CCDC92: variants seen among roughly 807,000 people sequenced by gnomAD.
CCDC92 encodes the protein coiled-coil domain containing 92.
A neutral mutation model predicts 24.9 loss-of-function variants in CCDC92; 12 were observed. The ratio of observed to expected loss-of-function variants is 0.48; its 90% CI spans 0.31 to 0.78. The LOEUF is 0.78. Ranked by LOEUF, CCDC92 falls within the 30% of genes least tolerant of loss-of-function variation. The pLI, the probability that CCDC92 is intolerant of heterozygous loss-of-function variation, is 0.05. For missense variants in CCDC92, 399 were observed against 439.4 expected (o/e 0.91, Z 0.82); for synonymous variants, 193 against 196.3 (o/e 0.98, Z 0.14).
At chr12:123,949,813 T>A (rs932408688) in intron 1 of CCDC92, among the ~76,000 whole-genome samples, 1 of 152,264 alleles carries the variant, frequency 6.6e-6, no homozygotes, top group African/African-American at 2.4e-5. Flanking sequence ...CTGCCGTCAT[T>A]TCCTAGTGTC....
At chr12:123,941,162 A>G (rs1955672092) in intron 4 of CCDC92, among the ~76,000 whole-genome samples, 1 of 152,218 alleles carries the variant, frequency 6.6e-6, no homozygotes, top group African/African-American at 2.4e-5. Flanking sequence ...TGACACGGGT[A>G]GCTCCTTTCC....
At chr12:123,951,513 T>C (rs766098136) in intron 1 of CCDC92, among the ~76,000 whole-genome samples, 33 of 152,232 alleles carry the variant, frequency 2.2e-4, no homozygotes, top group Admixed American at 7.2e-4. Context: ...TAGCTGTGAA[T>C]GAGTTATAAC....
At position 123,942,739 on chromosome 12, in the gene CCDC92, C is replaced by T. The variant is rs1389225115; in HGVS notation, c.223+5G>A. The T allele has an allele frequency of 6.2e-7, 1 of 1,607,812 alleles. No homozygotes were observed. Among genetic ancestry groups the T allele is most frequent in the Admixed American group, 1.7e-5 (1 of 60,026 alleles). ...TGTCATTTACTTCTGGGGAGGAGTT[C>T]TTACCTGTCTGTTCCGAACTTTTGA... is the stretch of plus-strand genomic sequence containing the variant. On this transcript the variant is annotated splice_donor_5th_base_variant and intron_variant, in intron 4 of 4. Coordinates refer to ENST00000238156, the MANE Select transcript of CCDC92 (RefSeq NM_025140.3).
chr12:123,972,792 C>T lies in CCDC92; in HGVS notation c.-323G>A, dbSNP rs1292079914. 2.1e-5 allele frequency: 3 copies of T among 146,104 alleles called. No homozygotes were observed. Among genetic ancestry groups the T allele is most frequent in the East Asian group, 4.0e-4 (2 of 5,024 alleles). The allele number at this position is 146,104 out of a possible 1,614,324, so 9.1% of individuals were successfully genotyped here. The stretch of plus-strand genomic sequence containing the variant: ...GGCGGCGAGGCCTGGCCGCGCTGAC[C>T]CGGCGGGCTAGGCGCCGGCGCGGCG... On this transcript the variant is annotated 5_prime_UTR_variant, in exon 1 of 5. Coordinates refer to ENST00000238156, the MANE Select transcript of CCDC92 (RefSeq NM_025140.3).
intron 1 of CCDC92, 166 bp from the exon 2 acceptor site, chr12:123,944,530 CG>C: frequency 2.1e-6 from 1 of 480,698 alleles, no homozygotes; most frequent in East Asian, 3.6e-5. Context: ...ACAGTGGAAC[CG>C]TTTTGGAGAC....
intron 1 of CCDC92, among the ~76,000 whole-genome samples, chr12:123,963,953 A>G (rs1386766424): frequency 6.6e-6 from 1 of 152,248 alleles, no homozygotes; most frequent in Non-Finnish European, 1.5e-5. Flanking sequence ...AATCATGTCA[A>G]AACTCCTAAT....
At chr12:123,955,606 T>C (rs1956131779) in intron 1 of CCDC92, among the ~76,000 whole-genome samples, 1 of 152,106 alleles carries the variant, frequency 6.6e-6, no homozygotes, top group Admixed American at 6.6e-5. Context: ...ATAGTACAGG[T>C]TTTAAGGAAA....
Position 123,942,786 on chromosome 12 carries a change from C to T in CCDC92, c.182-1G>A. 6.2e-7 allele frequency: 1 copy of T among 1,606,870 alleles called. No individual in the cohort carries two copies. The highest frequency in any genetic ancestry group is 8.5e-7 in the Non-Finnish European group (1 of 1,173,350). ...TTGACTGTCAGCTCATATGTTAAAT[C>T]TAAAAGGGAAATGTTACACATTAAT... On this transcript the variant is annotated splice_acceptor_variant, in intron 3 of 4. Transcript: ENST00000238156. LOFTEE classifies it high-confidence loss of function.
chr12:123,953,304 G>A (rs187858118), intron 1 of CCDC92, among the ~76,000 whole-genome samples: 179 of 151,244 alleles, frequency 1.2e-3, no homozygotes, highest in Non-Finnish European at 2.0e-3. Flanking sequence ...TAATCTCAAC[G>A]TCTGTCAAGG....
rs1955483085 is a variant in CCDC92 at position 123,936,116 on chromosome 12, C to T, written c.*942G>A. On this transcript the variant is annotated 3_prime_UTR_variant, in exon 5 of 5. Coordinates refer to ENST00000238156, the MANE Select transcript of CCDC92 (RefSeq NM_025140.3). Reference sequence around the variant, plus strand: ...GACCAGTGGTCACTGGGCACCCCTTCCCTCTGTGCACCATGAGGCTGGCCT... The same window carrying T: ...GACCAGTGGTCACTGGGCACCCCTTTCCTCTGTGCACCATGAGGCTGGCCT... 6.6e-6 allele frequency: 1 copy of T among 152,586 alleles called. No individual in the cohort carries two copies. Among genetic ancestry groups the T allele is most frequent in the Non-Finnish European group, 1.5e-5 (1 of 68,320 alleles). The allele number at this position is 152,586 out of a possible 1,614,324, so 9.5% of individuals were successfully genotyped here. A position where few individuals can be genotyped will look rare whatever the true frequency, so the allele number is the denominator to read the frequency against.
At chr12:123,964,841 A>T (rs1956354614) in intron 1 of CCDC92, among the ~76,000 whole-genome samples, 1 of 152,366 alleles carries the variant, frequency 6.6e-6, no homozygotes, top group Non-Finnish European at 1.5e-5. Flanking sequence ...GTTTCAAGAT[A>T]TCACATTTCT....
intron 1 of CCDC92, among the ~76,000 whole-genome samples, chr12:123,959,727 G>A (rs780993248): frequency 2.0e-5 from 3 of 152,126 alleles, no homozygotes; most frequent in African/African-American, 4.8e-5. Context: ...TAGCTGTTGC[G>A]GCCACATGTA....
chr12:123,955,844 T>C (rs928764366), intron 1 of CCDC92, among the ~76,000 whole-genome samples: 5 of 152,212 alleles, frequency 3.3e-5, no homozygotes, highest in Non-Finnish European at 7.3e-5. Flanking sequence ...AAAGAGTCCA[T>C]GGTTTCATTA....
At position 123,944,343 on chromosome 12, in the gene CCDC92, G is replaced by T; in HGVS notation, c.-38C>A. The T allele has an allele frequency of 6.6e-7, 1 of 1,525,646 alleles. No homozygotes were observed. Among genetic ancestry groups the T allele is most frequent in the Non-Finnish European group, 8.8e-7 (1 of 1,137,342 alleles). The allele number at this position is 1,525,646 out of a possible 1,614,324, so 94.5% of individuals were successfully genotyped here. On this transcript the variant is annotated 5_prime_UTR_variant, in exon 2 of 5. Transcript: ENST00000238156. ...AAAAGCTACCAGAGTAATTCAAGAC[G>T]CTTGTACAGCACTGAAAAATACTGA...
intron 1 of CCDC92, chr12:123,945,413 T>C (rs1955815482): frequency 6.6e-6 from 1 of 152,162 alleles, no homozygotes; most frequent in Non-Finnish European, 1.5e-5. Context: ...CCCAACACTG[T>C]CTGCACAGCA....
rs1955516031 is a variant in CCDC92 at position 123,936,962 on chromosome 12, G to GTT, written c.*94_*95dup. 1 of 1,401,436 alleles carries GTT rather than the reference G, an allele frequency of 7.1e-7. No homozygotes were observed. The highest frequency in any genetic ancestry group is 9.9e-7 in the Non-Finnish European group (1 of 1,014,368). 86.8% of individuals were successfully genotyped at this position (1,401,436 alleles called of 1,614,324 possible). ...GAATGGGTCGGTAGGTGTGAAAAGTGTTTGGCATGCATGGGATTAAACAGA... is the reference window on the plus strand; with the variant it reads ...GAATGGGTCGGTAGGTGTGAAAAGTGTTTTTGGCATGCATGGGATTAAACAGA... On this transcript the variant is annotated 3_prime_UTR_variant, in exon 5 of 5. Coordinates refer to ENST00000238156, the MANE Select transcript of CCDC92 (RefSeq NM_025140.3).
intron 1 of CCDC92, chr12:123,972,031 C>T (rs1040090893): frequency 6.6e-6 from 1 of 152,290 alleles, no homozygotes; most frequent in African/African-American, 2.4e-5. Context: ...CAAAGCCGGG[C>T]TAGGCCCCGG....
intron 1 of CCDC92, among the ~76,000 whole-genome samples, chr12:123,949,856 T>C (rs1955979665): frequency 6.6e-6 from 1 of 152,148 alleles, no homozygotes. Context: ...CCTCGCCGAG[T>C]ATGCTCTCCA....
Position 123,944,285 on chromosome 12 carries a change from C to T in CCDC92, c.21G>A (p.Ser7=), listed in dbSNP as rs148809811. 54 of 1,594,756 alleles carry T rather than the reference C, an allele frequency of 3.4e-5. No homozygotes were observed. Among genetic ancestry groups the T allele is most frequent in the Middle Eastern group, 1.7e-4 (1 of 6,026 alleles). The change falls in exon 2 of 5, where the codon TCG becomes TCA. Residue 7 remains serine, a synonymous_variant. Coordinates refer to ENST00000238156, the MANE Select transcript of CCDC92 (RefSeq NM_025140.3). The part of the protein sequence containing the change: MTSPHF[S]SYDEGPLDVS... Reference sequence around the variant, plus strand: ...CCCAGACTCTACCTTCATCGTAACTCGAGAAATGTGGTGAAGTCATGGGTC... The same window carrying T: ...CCCAGACTCTACCTTCATCGTAACTTGAGAAATGTGGTGAAGTCATGGGTC...
Sources: gnomAD v4.1 joint callset for allele counts (sites outside exome capture counted in the v4.1 genomes callset) on GRCh38, gnomAD v4.1.1 for gene constraint, MANE v1.5 for transcripts, NCBI Gene and HGNC (gene_info 2026-07-23, HGNC 2026-07-21) for gene names.